The following SETD1B variants were observed in gnomAD, a reference collection of about 807,000 sequenced individuals.
SETD1B encodes the protein histone-lysine N-methyltransferase SETD1B.
A neutral mutation model predicts 148.0 loss-of-function variants in SETD1B; 7 were observed. The ratio of observed to expected loss-of-function variants is 0.05; its 90% CI spans 0.03 to 0.09. The LOEUF is 0.09. Ranked by LOEUF, SETD1B falls within the 10% of genes least tolerant of loss-of-function variation. The pLI, the probability that SETD1B is intolerant of heterozygous loss-of-function variation, is 1.00. For missense variants in SETD1B, 2,155 were observed against 2,729.9 expected (o/e 0.79, Z 4.69); for synonymous variants, 1,361 against 1,186.5 (o/e 1.15, Z -3.02).
In SETD1B at chr12:121,810,130, T is replaced by C. The variant is rs1323260213; in HGVS notation, c.1185T>C (p.Ser395=). ...CAACCCCTGCTCCTGGATTCAAGTC[T>C]GCTTTCTCTCCGTATCAGACCCCAG... ...AQATPAPGFK[S]AFSPYQTPVA... is the part of the protein sequence containing the mutation. The change falls in exon 6 of 17, where the codon TCT becomes TCC. Residue 395 remains serine, a synonymous_variant. Coordinates refer to ENST00000604567, the MANE Select transcript of SETD1B (RefSeq NM_001353345.2). The surrounding 1 kb of genome is among the most constrained non-coding windows in gnomAD (Gnocchi z 7.6). 1.9e-6 allele frequency: 3 copies of C among 1,549,900 alleles called. No homozygotes were observed. The highest frequency in any genetic ancestry group is 3.9e-5 in the Admixed American group (2 of 50,978).
In SETD1B at chr12:121,816,903, T is replaced by C. The variant is rs1448949418; in HGVS notation, c.2716-130T>C. 5 of 786,750 alleles carry C rather than the reference T, an allele frequency of 6.4e-6. No individual in the cohort carries two copies. The Admixed American group carries it at 1.2e-4, about 19-fold the overall frequency. 48.7% of individuals were successfully genotyped at this position (786,750 alleles called of 1,614,324 possible). On this transcript the variant is annotated intron_variant, in intron 7 of 16. Coordinates refer to ENST00000604567, the MANE Select transcript of SETD1B (RefSeq NM_001353345.2). ...TAACGGCATAGTGTGGCCAGGTGTG[T>C]AGGGAATGAGGATGCAGTTACCTGT... is the stretch of plus-strand genomic sequence containing the variant.
At chr12:121,816,551 G>T (rs760961009) in intron 7 of SETD1B, among the ~76,000 whole-genome samples, 16 of 152,244 alleles carry the variant, frequency 1.1e-4, no homozygotes, top group Non-Finnish European at 2.1e-4. Flanking sequence ...ACCTTGCAAA[G>T]CTCTTCATGT....
chr12:121,828,251 C>T (rs933357872), intron 16 of SETD1B, among the ~76,000 whole-genome samples, 181 bp downstream of exon 16: 1 of 152,274 alleles, frequency 6.6e-6, no homozygotes, highest in Non-Finnish European at 1.5e-5. Context: ...CTCTACTCCT[C>T]TGAGCCTCAG....
In SETD1B at chr12:121,822,901, GGCC is replaced by G; in HGVS notation, c.4323_4325del (p.Pro1442del). On this transcript the variant is annotated inframe_deletion, in exon 12 of 17. Coordinates refer to ENST00000604567, the MANE Select transcript of SETD1B (RefSeq NM_001353345.2). Reference sequence around the variant, plus strand: ...ACACCCACCTTCTCCGAGCCCAGCGGGCCCTTGCTCCTGCCCGTCTGCCCACTC... The same window carrying G: ...ACACCCACCTTCTCCGAGCCCAGCGGCTTGCTCCTGCCCGTCTGCCCACTC... 6.7e-7 allele frequency: 1 copy of G among 1,499,012 alleles called. No individual in the cohort carries two copies. Among genetic ancestry groups the G allele is most frequent in the Non-Finnish European group, 8.9e-7 (1 of 1,119,706 alleles). 92.9% of individuals were successfully genotyped at this position (1,499,012 alleles called of 1,614,324 possible). A position where few individuals can be genotyped will look rare whatever the true frequency, so the allele number is the denominator to read the frequency against.
chr12:121,791,686 G>A, the SETD1B span, among the ~76,000 whole-genome samples: 2 of 152,212 alleles, frequency 1.3e-5, no homozygotes, highest in Non-Finnish European at 2.9e-5. Context: ...CTCTGGGCAA[G>A]GCCAGAAAGG....
In SETD1B at chr12:121,804,716, G is replaced by C. The variant is rs1260953191; in HGVS notation, c.-14-8G>C. The C allele has an allele frequency of 1.9e-6, 3 of 1,547,194 alleles. No individual in the cohort carries two copies. Among genetic ancestry groups the C allele is most frequent in the South Asian group, 1.2e-5 (1 of 83,706 alleles). Reference sequence around the variant, plus strand: ...CGGCGGAGACGACAACAACTTGCTGGTTTTCAGGTTGGGTTAACGGCATGG... The same window carrying C: ...CGGCGGAGACGACAACAACTTGCTGCTTTTCAGGTTGGGTTAACGGCATGG... On this transcript the variant is annotated splice_polypyrimidine_tract_variant and splice_region_variant and intron_variant, in intron 1 of 16. Coordinates refer to ENST00000604567, the MANE Select transcript of SETD1B (RefSeq NM_001353345.2). This position sits in a 1 kb window ranked among gnomAD's most constrained non-coding sequence, Gnocchi z 4.6.
At chr12:121,793,410 G>A in the SETD1B span, 2 of 1,504,464 alleles carry the variant, frequency 1.3e-6, no homozygotes, top group South Asian at 2.4e-5. Context: ...GTCCGTGCTC[G>A]GGACGCTGGG....
rs148762288 is a variant in SETD1B at position 121,809,140 on chromosome 12, C to T, written c.658-463C>T. On this transcript the variant is annotated intron_variant, in intron 5 of 16. Coordinates refer to ENST00000604567, the MANE Select transcript of SETD1B (RefSeq NM_001353345.2). ...CCACCTGCCTCGGCTTCCCAAAGTG[C>T]TGGGGTTACAGTCATGAGCCACCAC... 2.9e-3 allele frequency among the ~76,000 whole-genome samples: 435 copies of T among 152,326 alleles called. 4 individuals are homozygous for T. Among genetic ancestry groups the T allele is most frequent in the East Asian group, 0.011 (59 of 5,188 alleles).
In SETD1B at chr12:121,814,704, G is replaced by T; in HGVS notation, c.2489G>T (p.Arg830Leu). The change falls in exon 7 of 17, where the codon CGC becomes CTC. Residue 830 changes from arginine (R) to leucine (L), a missense_variant. Transcript: ENST00000604567. ...TCCCTGAGCAACTCCGGCCCAGGCC[G>T]CGGGCAGCACTGGCCACCACTGCCC... is the stretch of plus-strand genomic sequence containing the variant. Reference protein sequence around the residue: ...PFSLSNSGPGRGQHWPPLPKF... With the variant: ...PFSLSNSGPGLGQHWPPLPKF... The T allele has an allele frequency of 1.3e-6, 2 of 1,550,554 alleles. No homozygotes were observed. Among genetic ancestry groups the T allele is most frequent in the Non-Finnish European group, 8.7e-7 (1 of 1,146,902 alleles).
rs1255687371 is a variant in SETD1B, at chr12:121,822,554, G to A, written c.3975G>A (p.Leu1325=). The A allele has an allele frequency of 1.3e-6, 2 of 1,550,888 alleles. No individual in the cohort carries two copies. The highest frequency in any genetic ancestry group is 1.7e-6 in the Non-Finnish European group (2 of 1,146,672). Residue 1325 remains leucine, a synonymous_variant, in exon 12 of 17, where the codon TTG becomes TTA. Coordinates refer to ENST00000604567, the MANE Select transcript of SETD1B (RefSeq NM_001353345.2). ...TCCCCTTGCCGCTGCAACCACCATT[G>A]CCGCCCCCACGACCACCCCGGCCAC... ...MMLPLPLQPP[L]PPPRPPRPPS...
chr12:121,796,339 T>C, the SETD1B span: 1 of 152,922 alleles, frequency 6.5e-6, no homozygotes, highest in African/African-American at 2.4e-5. Context: ...CGGGTGGCAT[T>C]TGTGGGGTCA....
At chr12:121,829,634 C>T (rs1876999651) in intron 16 of SETD1B, among the ~76,000 whole-genome samples, 1 of 152,176 alleles carries the variant, frequency 6.6e-6, no homozygotes, top group African/African-American at 2.4e-5. Flanking sequence ...ATCTCTATGG[C>T]AACTACTGAA....
rs957602870 is a variant in SETD1B, at chr12:121,825,237, C to T, written c.5208C>T (p.Asp1736=). 28 of 1,551,584 alleles carry T rather than the reference C, an allele frequency of 1.8e-5. No homozygotes were observed. Among genetic ancestry groups the T allele is most frequent in the Middle Eastern group, 1.7e-4 (1 of 6,014 alleles). ...CTTCAGCTAAGAAGAAGAAACGGGA[C>T]GATGGCATCCGCGAGCACGTGACGG... ...SLSSAKKKKR[D]DGIREHVTGC... is the part of the protein sequence containing the mutation. Residue 1736 remains aspartate, a synonymous_variant, in exon 13 of 17, where the codon GAC becomes GAT. Transcript: ENST00000604567.
At position 121,819,747 on chromosome 12, in the gene SETD1B, C is replaced by T. The variant is rs1465308399; in HGVS notation, c.3762C>T (p.Pro1254=). The change falls in exon 11 of 17, where the codon CCC becomes CCT. Residue 1254 remains proline, a synonymous_variant. Transcript: ENST00000604567. Reference sequence around the variant, plus strand: ...GGCCCTCCATGCTGGACGAGCCCCCCTTGCCTGTGGGTGTTGAAGAGCCAG... The same window carrying T: ...GGCCCTCCATGCTGGACGAGCCCCCTTTGCCTGTGGGTGTTGAAGAGCCAG... ...EERPSMLDEP[P]LPVGVEEPAD... 7.7e-6 allele frequency: 12 copies of T among 1,551,428 alleles called. No individual in the cohort carries two copies. In the African/African-American group the frequency reaches 1.6e-4, roughly 21 times the overall value.
Position 121,817,822 on chromosome 12 carries a change from T to C in SETD1B, c.3336T>C (p.Asp1112=). 1 of 1,550,946 alleles carries C rather than the reference T, an allele frequency of 6.4e-7. No individual in the cohort carries two copies. The highest frequency in any genetic ancestry group is 8.7e-7 in the Non-Finnish European group (1 of 1,146,652). Residue 1112 remains aspartate (D), a synonymous_variant, in exon 10 of 17, where the codon GAT becomes GAC. Transcript: ENST00000604567. The surrounding 1 kb of genome is among the most constrained non-coding windows in gnomAD (Gnocchi z 8.1). ...AGGATGACGACGATGACGACAGTGA[T>C]GACCGGGACGAGTCTGAGAACGATG... The part of the protein sequence containing the change: ...SDKDDDDDDS[D]DRDESENDDE...
At chr12:121,796,529 G>A in the SETD1B span, among the ~76,000 whole-genome samples, 1 of 152,234 alleles carries the variant, frequency 6.6e-6, no homozygotes, top group Admixed American at 6.5e-5. Flanking sequence ...ACCCTGCAGA[G>A]GGGCCACCCA....
chr12:121,824,572 G>A (rs1198794571), intron 12 of SETD1B, among the ~76,000 whole-genome samples: 2 of 152,060 alleles, frequency 1.3e-5, no homozygotes, highest in Admixed American at 1.3e-4. Flanking sequence ...GCTTGAACCC[G>A]GGAGGCACAG....
chr12:121,811,088 C>T (rs561960499), intron 6 of SETD1B, among the ~76,000 whole-genome samples: 46 of 152,344 alleles, frequency 3.0e-4, no homozygotes, highest in African/African-American at 1.1e-3. Context: ...TTCTGATGCT[C>T]TCCTTGTTAG....
At chr12:121,800,271 C>G (rs1191422595), upstream of SETD1B, 1 of 152,220 alleles carries the variant, frequency 6.6e-6, no homozygotes, top group East Asian at 1.9e-4. Context: ...CTTCCCCCAC[C>G]TCCTGCCTGG....
Sources: gnomAD v4.1 joint callset for allele counts (sites outside exome capture counted in the v4.1 genomes callset) on GRCh38, gnomAD v4.1.1 for gene constraint, Gnocchi (gnomAD v3.1) non-coding constraint, MANE v1.5 for transcripts, NCBI Gene and HGNC (gene_info 2026-07-23, HGNC 2026-07-21) for gene names.